Variants in PDZD2 observed in about 807,000 individuals in gnomAD.
PDZD2 encodes PDZ domain containing 2.
Under a neutral mutation model 220.7 loss-of-function variants are expected in PDZD2, and 90 were observed. The ratio of observed to expected loss-of-function variants is 0.41; its 90% confidence interval spans 0.34 to 0.49. The LOEUF (loss-of-function observed/expected upper bound fraction) is 0.49, where lower values mean the gene tolerates loss of function less well. Among genes scored for constraint, PDZD2 ranks in the 20% least tolerant of loss-of-function variants. PDZD2 has a pLI of 0.28. For synonymous variants in PDZD2, 1,375 were observed against 1,450.5 expected (o/e 0.95, Z 1.18); for missense variants, 3,174 against 3,608.5 (o/e 0.88, Z 3.08).
chr5:31,928,137 C>A (rs558765623), intron 2 of PDZD2, among the ~76,000 whole-genome samples: 4 of 152,310 alleles, frequency 2.6e-5, no homozygotes, highest in Admixed American at 6.5e-5. Context: ...GAGTGCAAAT[C>A]AGACAGCCAA....
chr5:32,057,545 G>A (rs161545), intron 10 of PDZD2, 110 bp from the exon 11 acceptor site: 614,650 of 676,444 alleles, frequency 0.91, 280,184 homozygotes, highest in African/African-American at 0.98. Context: ...GTTATTTTAT[G>A]TGGTAGTAAA....
intron 2 of PDZD2, among the ~76,000 whole-genome samples, chr5:31,969,546 G>T (rs2111768532): frequency 1.2e-5 from 1 of 83,494 alleles, no homozygotes; most frequent in Non-Finnish European, 2.5e-5. Flanking sequence ...CAATGGATAT[G>T]TTCTCACAAA....
chr5:31,669,664 G>A (rs943911869), intron 1 of PDZD2, among the ~76,000 whole-genome samples: 1 of 152,148 alleles, frequency 6.6e-6, no homozygotes, highest in African/African-American at 2.4e-5. Context: ...ACAGAGGTGG[G>A]ATCAATCAAC....
At chr5:31,774,018 C>A (rs1053101742) in intron 1 of PDZD2, among the ~76,000 whole-genome samples, 2 of 152,150 alleles carry the variant, frequency 1.3e-5, no homozygotes, top group Admixed American at 6.5e-5. Context: ...GTGACCTGGG[C>A]AGTGACTCCT....
intron 2 of PDZD2, chr5:31,854,855 C>G (rs186167336): frequency 2.5e-6 from 1 of 402,132 alleles, no homozygotes; most frequent in Non-Finnish European, 3.4e-6. Context: ...AGTGGCGAGC[C>G]GAGTTTAGGA....
At chr5:31,803,885 T>C (rs1469512376) in intron 2 of PDZD2, among the ~76,000 whole-genome samples, 1 of 151,776 alleles carries the variant, frequency 6.6e-6, no homozygotes, top group Non-Finnish European at 1.5e-5. Flanking sequence ...AAAAATTTTT[T>C]TTAATTAGCT....
intron 2 of PDZD2, among the ~76,000 whole-genome samples, chr5:31,964,570 A>C (rs1748546362): frequency 6.6e-6 from 1 of 152,082 alleles, no homozygotes; most frequent in Non-Finnish European, 1.5e-5. Context: ...CTGGCTTCCC[A>C]AATATGCCTC....
chr5:32,019,315 T>C (rs1203008902), intron 6 of PDZD2, among the ~76,000 whole-genome samples: 1 of 151,998 alleles, frequency 6.6e-6, no homozygotes, highest in Non-Finnish European at 1.5e-5. Context: ...CTAATTTCTT[T>C]GTATATTTTG....
chr5:31,963,494 C>T (rs1413001486), intron 2 of PDZD2, among the ~76,000 whole-genome samples: 1 of 152,134 alleles, frequency 6.6e-6, no homozygotes, highest in Non-Finnish European at 1.5e-5. Flanking sequence ...CTGATTTATT[C>T]GTGGTAGTTG....
At chr5:32,086,417 A>T (rs1300457488) in intron 19 of PDZD2, among the ~76,000 whole-genome samples, 1 of 152,188 alleles carries the variant, frequency 6.6e-6, no homozygotes, top group Non-Finnish European at 1.5e-5. Flanking sequence ...TGCAATGATT[A>T]AATCAGGGTA....
chr5:31,746,215 A>G (rs372883924), intron 1 of PDZD2, among the ~76,000 whole-genome samples: 42 of 152,218 alleles, frequency 2.8e-4, no homozygotes, highest in Non-Finnish European at 5.6e-4. Context: ...CAGCATTTTT[A>G]TGGCTCTGCC....
At chr5:31,879,461 T>G (rs1412703954) in intron 2 of PDZD2, among the ~76,000 whole-genome samples, 1 of 152,128 alleles carries the variant, frequency 6.6e-6, no homozygotes, top group Non-Finnish European at 1.5e-5. Context: ...CACACTATTT[T>G]TTTTTAGAGA....
rs1743820308 is a variant in PDZD2, at chr5:32,097,379, CG to C, written c.7947+1del. The C allele has an allele frequency of 6.3e-7, 1 of 1,581,322 alleles. No homozygotes were observed. Among genetic ancestry groups the C allele is most frequent in the Non-Finnish European group, 8.7e-7 (1 of 1,150,066 alleles). On this transcript the variant is annotated frameshift_variant and splice_region_variant, in exon 22 of 25. Transcript: ENST00000438447. LOFTEE classifies it high-confidence loss of function. ...GGTDVEPKSI[T>X]VHRVFSQGAA... ...ACAGATGTGGAGCCAAAATCAATCA[CG>C]GTAAGTGACAGAGTCATTAGGCTCT...
chr5:31,754,814 C>T (rs570629066), intron 1 of PDZD2, among the ~76,000 whole-genome samples: 98 of 152,258 alleles, frequency 6.4e-4, no homozygotes, highest in African/African-American at 2.0e-3. Context: ...TACAGGACCA[C>T]GAAAGTCCCT....
intron 2 of PDZD2, among the ~76,000 whole-genome samples, chr5:31,846,258 C>A (rs185383626): frequency 6.6e-6 from 1 of 152,160 alleles, no homozygotes; most frequent in South Asian, 2.1e-4. Flanking sequence ...CTCAGCCTCC[C>A]GAGTAGCTGG....
At chr5:31,743,592 G>C (rs1750399259) in intron 1 of PDZD2, among the ~76,000 whole-genome samples, 2 of 152,176 alleles carry the variant, frequency 1.3e-5, no homozygotes, top group African/African-American at 4.8e-5. Flanking sequence ...GGAATGAATA[G>C]TTTAAATCAT....
chr5:32,010,275 A>G (rs2112079818), intron 5 of PDZD2, 55 bp from the exon 6 acceptor site: 1 of 1,395,276 alleles, frequency 7.2e-7, no homozygotes, highest in Non-Finnish European at 9.9e-7. Flanking sequence ...GCCTTCAAGA[A>G]CTGCTTGGTT....
rs1255210654 is a variant in PDZD2, at chr5:31,639,459, A to T, written c.-361+22A>T. 6.6e-6 allele frequency: 1 copy of T among 151,810 alleles called. No homozygotes were observed. Among genetic ancestry groups the T allele is most frequent in the African/African-American group, 2.4e-5 (1 of 41,380 alleles). The allele number at this position is 151,810 out of a possible 1,614,324, so 9.4% of individuals were successfully genotyped here. ...GCAGGTGAAGCGACCGTCCCGCTGC[A>T]GCCGGGACGCGCGGCTCCGGGTGGG... On this transcript the variant is annotated intron_variant, in intron 1 of 24. Coordinates refer to ENST00000438447, the MANE Select transcript of PDZD2 (RefSeq NM_178140.4). This position sits in a 1 kb window ranked among gnomAD's most constrained non-coding sequence, Gnocchi z 4.1.
At chr5:32,058,506 T>C (rs997798226) in intron 12 of PDZD2, among the ~76,000 whole-genome samples, 1 of 83,702 alleles carries the variant, frequency 1.2e-5, no homozygotes, top group African/African-American at 2.9e-5. Flanking sequence ...CCGTTTCTAC[T>C]AAAAATAAAA....
Sources: allele counts gnomAD v4.1 joint callset (sites outside exome capture counted in the v4.1 genomes callset), GRCh38; gene constraint gnomAD v4.1.1; non-coding constraint Gnocchi (gnomAD v3.1); transcripts MANE v1.5; gene names NCBI Gene and HGNC (gene_info 2026-07-23, HGNC 2026-07-21).